SLC25A26: variants seen among roughly 807,000 people sequenced by gnomAD.
SLC25A26 encodes the protein solute carrier family 25 member 26, also known as mitochondrial S-adenosylmethionine carrier protein.
A neutral mutation model predicts 37.8 loss-of-function variants in SLC25A26; 36 were observed. The ratio of observed to expected loss-of-function variants is 0.95; its 90% CI spans 0.73 to 1.26. The LOEUF is 1.26. SLC25A26 is among the 50% of genes most tolerant of loss of function. The probability of loss-of-function intolerance (pLI) is 0.00; values close to 1 mark genes in which losing one functional copy is unlikely to be tolerated. For missense variants in SLC25A26, 390 were observed against 331.1 expected (o/e 1.18, Z -1.38); for synonymous variants, 129 against 122.5 (o/e 1.05, Z -0.35).
chr3:66,220,973 A>G, upstream of SLC25A26: 1 of 1,066,842 alleles, frequency 9.4e-7, no homozygotes, highest in South Asian at 1.3e-5. Context: ...TTGTGGTTCT[A>G]CGTCACGTGG....
intron 9 of SLC25A26, among the ~76,000 whole-genome samples, chr3:66,375,297 T>C (rs555473094): frequency 1.3e-5 from 2 of 152,122 alleles, no homozygotes; most frequent in South Asian, 4.2e-4. Flanking sequence ...TGGCAAGTGC[T>C]GATGGAGAAG....
At chr3:66,343,074 A>T (rs2076245226) in intron 5 of SLC25A26, among the ~76,000 whole-genome samples, 1 of 152,182 alleles carries the variant, frequency 6.6e-6, no homozygotes. Flanking sequence ...TGGGGGTATA[A>T]AATTCCACGT....
chr3:66,140,826 A>T (rs1378213570), intron 1 of SLC25A26, among the ~76,000 whole-genome samples: 1 of 152,172 alleles, frequency 6.6e-6, no homozygotes, highest in South Asian at 2.1e-4. Context: ...TAACAACTGC[A>T]GTACTAAAAG....
chr3:66,331,386 G>A (rs1575576703), intron 5 of SLC25A26, among the ~76,000 whole-genome samples: 1 of 152,012 alleles, frequency 6.6e-6, no homozygotes, highest in South Asian at 2.1e-4. Context: ...CATAAAGCAT[G>A]GCTTTTGTTG....
chr3:66,362,489 C>T (rs2076733131), intron 6 of SLC25A26, among the ~76,000 whole-genome samples: 1 of 152,078 alleles, frequency 6.6e-6, no homozygotes, highest in Non-Finnish European at 1.5e-5. Flanking sequence ...TCTAGAATGA[C>T]AGATCAGATT....
At chr3:66,355,967 C>T (rs1037378618) in intron 6 of SLC25A26, 1 of 453,290 alleles carries the variant, frequency 2.2e-6, no homozygotes, top group African/African-American at 2.0e-5. Flanking sequence ...GTAGATGATT[C>T]TGTGCACATA....
chr3:66,186,490 C>CAGCA (rs2070830465), intron 1 of SLC25A26, among the ~76,000 whole-genome samples: 1 of 152,084 alleles, frequency 6.6e-6, no homozygotes, highest in East Asian at 1.9e-4. Context: ...TGACCCTGAC[C>CAGCA]AGCACTCTGA....
At chr3:66,154,750 G>C (rs535536672) in intron 1 of SLC25A26, among the ~76,000 whole-genome samples, 2 of 152,232 alleles carry the variant, frequency 1.3e-5, no homozygotes, top group East Asian at 3.9e-4. Flanking sequence ...CCAAAGTGCT[G>C]GGATTACAGG....
intron 6 of SLC25A26, among the ~76,000 whole-genome samples, chr3:66,359,698 GTTTC>G (rs1380498440): frequency 6.6e-6 from 1 of 152,100 alleles, no homozygotes; most frequent in Non-Finnish European, 1.5e-5. Flanking sequence ...CCATTGTCTT[GTTTC>G]TTATTCTTTC....
intron 2 of SLC25A26, 83 bp downstream of exon 2, chr3:66,236,783 T>C: frequency 9.7e-7 from 1 of 1,033,036 alleles, no homozygotes; most frequent in Non-Finnish European, 1.3e-6. Context: ...CCCATAGAAT[T>C]CCTTGTGTGT....
At chr3:66,262,733 G>A (rs1471102388) in intron 4 of SLC25A26, among the ~76,000 whole-genome samples, 2 of 152,130 alleles carry the variant, frequency 1.3e-5, no homozygotes, top group Admixed American at 1.3e-4. Context: ...TATTTGTAAT[G>A]GTGTGTTACA....
chr3:66,140,702 T>C (rs1356517494), intron 1 of SLC25A26, among the ~76,000 whole-genome samples: 1 of 152,224 alleles, frequency 6.6e-6, no homozygotes, highest in Non-Finnish European at 1.5e-5. Flanking sequence ...TTTTTAATGC[T>C]ACCACTCTAT....
chr3:66,349,089 T>G (rs1458291414), intron 6 of SLC25A26, among the ~76,000 whole-genome samples: 2 of 152,198 alleles, frequency 1.3e-5, no homozygotes, highest in African/African-American at 4.8e-5. Flanking sequence ...AGCATAGTGT[T>G]TATTTCTTTT....
upstream of SLC25A26, chr3:66,220,744 C>T: frequency 2.6e-6 from 1 of 391,724 alleles, no homozygotes; most frequent in East Asian, 6.6e-5. Context: ...GTTTACAGTT[C>T]AGAATCACGC....
At chr3:66,222,259 C>G (rs966139699) in intron 1 of SLC25A26, among the ~76,000 whole-genome samples, 4 of 151,190 alleles carry the variant, frequency 2.6e-5, no homozygotes, top group Non-Finnish European at 5.9e-5. Flanking sequence ...CGGCTCACTG[C>G]AGGCTCCACC....
chr3:66,222,758 C>G (rs1181277337), intron 1 of SLC25A26, among the ~76,000 whole-genome samples: 1 of 152,182 alleles, frequency 6.6e-6, no homozygotes. Flanking sequence ...ACCTGGGAGT[C>G]GTGCCCTTAT....
At chr3:66,251,960 G>A (rs1237700253) in intron 3 of SLC25A26, among the ~76,000 whole-genome samples, 1 of 144,816 alleles carries the variant, frequency 6.9e-6, no homozygotes, top group Non-Finnish European at 1.6e-5. Flanking sequence ...AGCTGCATGA[G>A]TTTATAGAAC....
intron 5 of SLC25A26, among the ~76,000 whole-genome samples, chr3:66,340,898 T>A (rs2076194797): frequency 6.6e-6 from 1 of 150,430 alleles, no homozygotes; most frequent in Non-Finnish European, 1.5e-5. Flanking sequence ...AAAAAAAAAG[T>A]CGTTTTTCAT....
chr3:66,152,388 A>T (rs2070220775), intron 1 of SLC25A26, among the ~76,000 whole-genome samples: 1 of 152,216 alleles, frequency 6.6e-6, no homozygotes, highest in Admixed American at 6.5e-5. Context: ...AAAATGACTT[A>T]CTTAAAAAAT....
Sources: allele counts gnomAD v4.1 joint callset (sites outside exome capture counted in the v4.1 genomes callset), GRCh38; gene constraint gnomAD v4.1.1; transcripts MANE v1.5; gene names NCBI Gene and HGNC (gene_info 2026-07-23, HGNC 2026-07-21).